Variants in MEI4 observed in about 807,000 individuals in gnomAD.
MEI4 encodes meiosis-specific protein MEI4.
Under a neutral mutation model 31.4 loss-of-function variants are expected in MEI4, and 27 were observed. The observed-to-expected ratio is 0.86, with a 90% CI of 0.63 to 1.19. MEI4 has a LOEUF of 1.19. Among genes scored for constraint, MEI4 ranks in the 50% most tolerant of loss-of-function variants. The pLI is 0.00. For synonymous variants in MEI4, 122 were observed against 145.4 expected, an observed-to-expected ratio of 0.84 and a Z score of 1.16; for missense variants, 329 against 398.9, an observed-to-expected ratio of 0.82 and a Z score of 1.49.
intron 2 of MEI4, among the ~76,000 whole-genome samples, chr6:77,740,240 T>C (rs985074638): frequency 1.3e-5 from 2 of 152,208 alleles, no homozygotes; most frequent in African/African-American, 4.8e-5. Flanking sequence ...GATTTTAGAG[T>C]ATGTGCCATG....
Position 77,790,731 on chromosome 6 carries a change from C to A in MEI4, c.768+29066C>A, listed in dbSNP as rs75473300. On this transcript the variant is annotated intron_variant, in intron 3 of 4. Transcript: ENST00000684080. The stretch of plus-strand genomic sequence containing the variant: ...GAAAAGTGAAGGATAAAGAGAGTAT[C>A]TTTTCTCAAATATATTTAATTTTTA... Among the ~76,000 whole-genome samples, 1,038 of 152,088 alleles carry A rather than the reference C, an allele frequency of 6.8e-3. 12 individuals are homozygous for A. Among genetic ancestry groups the A allele is most frequent in the African/African-American group, 0.023 (944 of 41,512 alleles).
chr6:77,883,738 A>C (rs1202058112), intron 4 of MEI4, among the ~76,000 whole-genome samples: 2 of 141,444 alleles, frequency 1.4e-5, no homozygotes, highest in African/African-American at 2.7e-5. Context: ...ATATATATAT[A>C]TATATAACTT....
chr6:77,742,783 G>C (rs1477044053), intron 2 of MEI4, among the ~76,000 whole-genome samples: 2 of 151,894 alleles, frequency 1.3e-5, no homozygotes, highest in Admixed American at 1.3e-4. Context: ...AAACCATCTT[G>C]AATTAATTTT....
intron 4 of MEI4, among the ~76,000 whole-genome samples, chr6:77,858,537 C>T (rs1214721731): frequency 6.6e-6 from 1 of 151,914 alleles, no homozygotes. Flanking sequence ...CATGATCCTG[C>T]TATATCAGAT....
rs114902729 is a variant in MEI4 at position 77,914,077 on chromosome 6, T to G, written c.901-9012T>G. On this transcript the variant is annotated intron_variant, in intron 4 of 4. Coordinates refer to ENST00000684080, the MANE Select transcript of MEI4 (RefSeq NM_001322247.2). ...TCGTTGATGTTTTATATTGTTTATA[T>G]GAGTTTCTATTTCATCATCAGTTCT... 4.8e-3 allele frequency among the ~76,000 whole-genome samples: 722 copies of G among 151,548 alleles called. 3 individuals carry two copies. The highest frequency in any genetic ancestry group is 0.017 in the African/African-American group (691 of 41,390).
intron 2 of MEI4, among the ~76,000 whole-genome samples, chr6:77,746,635 TGGCGTGTG>T (rs1438954031): frequency 1.9e-5 from 2 of 105,840 alleles, no homozygotes; most frequent in Non-Finnish European, 3.7e-5. Context: ...TTAAAATATA[TGGCGTGTG>T]TGTGTGTGTG....
At position 77,918,403 on chromosome 6, in the gene MEI4, T is replaced by C. The variant is rs1332082883; in HGVS notation, c.901-4686T>C. The stretch of plus-strand genomic sequence containing the variant: ...TATTGATTCTTCCTACCCATGAGCA[T>C]GGAATGTTCTTCCATTTGTTTGTAT... On this transcript the variant is annotated intron_variant, in intron 4 of 4. Coordinates refer to ENST00000684080, the MANE Select transcript of MEI4 (RefSeq NM_001322247.2). Among the ~76,000 whole-genome samples, 258 of 136,636 alleles carry C rather than the reference T, an allele frequency of 1.9e-3. No homozygotes were observed. In the Middle Eastern group the frequency reaches 0.021, roughly 11 times the overall value. 89.6% of individuals were successfully genotyped at this position (136,636 alleles called of 152,430 possible).
intron 3 of MEI4, among the ~76,000 whole-genome samples, chr6:77,801,630 T>C (rs1166003142): frequency 6.6e-6 from 1 of 152,216 alleles, no homozygotes; most frequent in Non-Finnish European, 1.5e-5. Context: ...CATTTAGTGC[T>C]ATAAATTTCC....
intron 2 of MEI4, among the ~76,000 whole-genome samples, chr6:77,737,351 A>T (rs890059936): frequency 6.6e-6 from 1 of 152,226 alleles, no homozygotes; most frequent in African/African-American, 2.4e-5. Context: ...ACATGTAATT[A>T]CTTTGGCATG....
intron 3 of MEI4, among the ~76,000 whole-genome samples, chr6:77,775,034 T>A (rs1768403733): frequency 6.6e-6 from 1 of 152,090 alleles, no homozygotes; most frequent in East Asian, 1.9e-4. Flanking sequence ...CTCTGTCTGC[T>A]CCATCTTCAC....
intron 1 of MEI4, among the ~76,000 whole-genome samples, chr6:77,687,855 T>C (rs1408651752): frequency 6.6e-6 from 1 of 152,060 alleles, no homozygotes; most frequent in Non-Finnish European, 1.5e-5. Context: ...CTGAATCCCA[T>C]TGATTGGGGG....
At chr6:77,737,114 G>A (rs1282920775) in intron 2 of MEI4, among the ~76,000 whole-genome samples, 1 of 152,214 alleles carries the variant, frequency 6.6e-6, no homozygotes, top group Non-Finnish European at 1.5e-5. Context: ...TCTGTAGGCA[G>A]TAAGTGGCAT....
At chr6:77,756,933 G>T (rs1443038454) in intron 2 of MEI4, among the ~76,000 whole-genome samples, 1 of 152,198 alleles carries the variant, frequency 6.6e-6, no homozygotes, top group Non-Finnish European at 1.5e-5. Flanking sequence ...AGGGCCTCTG[G>T]CCTTAAGGAA....
chr6:77,726,799 T>C (rs1007418949), intron 2 of MEI4, among the ~76,000 whole-genome samples: 5 of 148,636 alleles, frequency 3.4e-5, no homozygotes, highest in Admixed American at 6.8e-5. Flanking sequence ...AGGGTAAAGA[T>C]TTCAGTGTGG....
At chr6:77,684,240 A>G (rs1274877925) in intron 1 of MEI4, among the ~76,000 whole-genome samples, 1 of 152,040 alleles carries the variant, frequency 6.6e-6, no homozygotes, top group East Asian at 1.9e-4. Flanking sequence ...TAAAACTCTT[A>G]CGTTTTTTAA....
chr6:77,712,109 A>G (rs1276485297), intron 2 of MEI4, among the ~76,000 whole-genome samples: 1 of 152,194 alleles, frequency 6.6e-6, no homozygotes, highest in African/African-American at 2.4e-5. Context: ...GAAACCCTGT[A>G]TCAATTGATG....
At chr6:77,752,586 C>T (rs888826957) in intron 2 of MEI4, among the ~76,000 whole-genome samples, 3 of 152,094 alleles carry the variant, frequency 2.0e-5, no homozygotes, top group African/African-American at 7.2e-5. Flanking sequence ...GAACTACAAA[C>T]CACTGCTTAA....
At chr6:77,810,353 G>C (rs1352298397) in intron 3 of MEI4, among the ~76,000 whole-genome samples, 1 of 152,040 alleles carries the variant, frequency 6.6e-6, no homozygotes, top group African/African-American at 2.4e-5. Context: ...GATAGTAAAT[G>C]TTGTGGAAAA....
Position 77,750,840 on chromosome 6 carries a change from T to A in MEI4, c.233-10290T>A, listed in dbSNP as rs141352269. On this transcript the variant is annotated intron_variant, in intron 2 of 4. Transcript: ENST00000684080. ...TATATTCTTCTCAGCACCACATCAT[T>A]CTTACTCTAAAATTGACCACATAAT... 1.4e-3 allele frequency among the ~76,000 whole-genome samples: 213 copies of A among 152,166 alleles called. 1 individual carries two copies. The highest frequency in any genetic ancestry group is 4.5e-3 in the African/African-American group (187 of 41,526).
Sources: allele counts gnomAD v4.1 joint callset (sites outside exome capture counted in the v4.1 genomes callset), GRCh38; gene constraint gnomAD v4.1.1; transcripts MANE v1.5; gene names NCBI Gene and HGNC (gene_info 2026-07-23, HGNC 2026-07-21).